The following LRP1B variants were observed in gnomAD, a reference collection of about 807,000 sequenced individuals.
LRP1B encodes LDL receptor related protein 1B.
A neutral mutation model predicts 556.6 loss-of-function variants in LRP1B; 217 were observed. The observed-to-expected ratio is 0.39, with a 90% CI of 0.35 to 0.44. The LOEUF is 0.44. Ranked by LOEUF, LRP1B falls within the 20% of genes least tolerant of loss-of-function variation. LRP1B has a pLI of 1.00. For synonymous variants in LRP1B, 2,047 were observed against 1,865.8 expected (o/e 1.10, Z -2.50); for missense variants, 5,053 against 5,620.8 (o/e 0.90, Z 3.23).
intron 3 of LRP1B, among the ~76,000 whole-genome samples, chr2:141,467,845 G>GAGGGGC (rs1553518605): frequency 0.11 from 13,573 of 127,474 alleles, 1,539 homozygotes; most frequent in African/African-American, 0.2. Flanking sequence ...GGACCGGGGG[G>GAGGGGC]GGGGGAATTC....
intron 3 of LRP1B, among the ~76,000 whole-genome samples, chr2:141,476,800 C>T (rs111437639): frequency 0.014 from 2,096 of 152,064 alleles, 13 homozygotes; most frequent in Middle Eastern, 0.024. Flanking sequence ...TATAAATATA[C>T]CACCAAATAT....
At chr2:141,519,387 AT>A in intron 2 of LRP1B, among the ~76,000 whole-genome samples, 2 of 26,338 alleles carry the variant, frequency 7.6e-5, no homozygotes, top group African/African-American at 1.6e-4. Flanking sequence ...ATATATATAT[AT>A]ATATATATAT....
intron 59 of LRP1B, among the ~76,000 whole-genome samples, chr2:140,478,330 T>A (rs1688063893): frequency 6.6e-6 from 1 of 151,832 alleles, no homozygotes; most frequent in African/African-American, 2.4e-5. Context: ...TTTGTATTTT[T>A]AGTAGAGATG....
rs377509159 is a variant in LRP1B at position 140,710,867 on chromosome 2, A to G, written c.6023+5106T>C. Among the ~76,000 whole-genome samples, 8 of 152,208 alleles carry G rather than the reference A, an allele frequency of 5.3e-5. No homozygotes were observed. The South Asian group carries it at 1.2e-3, about 24-fold the overall frequency. On this transcript the variant is annotated intron_variant, in intron 37 of 90. Transcript: ENST00000389484. The stretch of plus-strand genomic sequence containing the variant: ...AGCTGAAACCCATTTTAGGAGTTCA[A>G]TGATGAGACAATGGATATAGATCAT...
chr2:142,038,834 T>G (rs867584989), intron 1 of LRP1B, among the ~76,000 whole-genome samples: 1 of 151,646 alleles, frequency 6.6e-6, no homozygotes, highest in South Asian at 2.1e-4. Context: ...TCAGTTTTGG[T>G]GTTCATCTAA....
intron 2 of LRP1B, among the ~76,000 whole-genome samples, chr2:141,614,600 A>T (rs543233663): frequency 2.0e-5 from 3 of 152,290 alleles, no homozygotes; most frequent in African/African-American, 7.2e-5. Context: ...CACAAAGAAA[A>T]CACAACATAG....
chr2:141,676,210 G>A (rs1309676798), intron 2 of LRP1B, among the ~76,000 whole-genome samples: 1 of 151,660 alleles, frequency 6.6e-6, no homozygotes, highest in Non-Finnish European at 1.5e-5. Flanking sequence ...CTATTTTGAG[G>A]GACACAGAGG....
chr2:141,301,088 T>C (rs1175647902), intron 3 of LRP1B, among the ~76,000 whole-genome samples: 1 of 152,090 alleles, frequency 6.6e-6, no homozygotes, highest in Non-Finnish European at 1.5e-5. Context: ...GCAGGAGATA[T>C]ATTATGTTGT....
chr2:141,631,663 T>C (rs969704637), intron 2 of LRP1B, among the ~76,000 whole-genome samples: 7 of 152,234 alleles, frequency 4.6e-5, no homozygotes, highest in Admixed American at 3.3e-4. Context: ...AGTTACTTTG[T>C]AAGGACCAAT....
chr2:141,886,964 CTTT>C (rs66668893), intron 1 of LRP1B, among the ~76,000 whole-genome samples: 10 of 142,202 alleles, frequency 7.0e-5, no homozygotes, highest in Admixed American at 7.1e-5. Context: ...TTTTCTTTTT[CTTT>C]TTTTTTTTTT....
chr2:140,974,218 C>G (rs1027630881), intron 18 of LRP1B, among the ~76,000 whole-genome samples: 2 of 152,168 alleles, frequency 1.3e-5, no homozygotes, highest in Non-Finnish European at 2.9e-5. Flanking sequence ...TACTGCCCAA[C>G]AGTGGAATTA....
At position 140,774,737 on chromosome 2, in the gene LRP1B, TC is replaced by T. The variant is rs561431441; in HGVS notation, c.5500+1360del. Among the ~76,000 whole-genome samples, 290 of 152,232 alleles carry T rather than the reference TC, an allele frequency of 1.9e-3. 1 individual carries two copies. The highest frequency in any genetic ancestry group is 5.6e-3 in the African/African-American group (231 of 41,522). ...TATTTACTGAGTACCAGTATTTTAT[TC>T]TCAATTACGTAATCTATTTCCCATG... On this transcript the variant is annotated intron_variant, in intron 33 of 90. Transcript: ENST00000389484.
At chr2:141,160,702 T>TA (rs1292873818) in intron 7 of LRP1B, among the ~76,000 whole-genome samples, 10 of 151,852 alleles carry the variant, frequency 6.6e-5, no homozygotes, top group Admixed American at 2.0e-4. Context: ...ACTCTTAAAG[T>TA]AAAAAAATAC....
intron 35 of LRP1B, among the ~76,000 whole-genome samples, chr2:140,747,811 G>A (rs1688367841): frequency 6.6e-6 from 1 of 151,930 alleles, no homozygotes; most frequent in Admixed American, 6.6e-5. Context: ...GAGTAGATAG[G>A]AGAACTGATA....
At position 141,418,736 on chromosome 2, in the gene LRP1B, T is replaced by C. The variant is rs145961930; in HGVS notation, c.343+61660A>G. Among the ~76,000 whole-genome samples the C allele has an allele frequency of 5.6e-4, 85 of 151,382 alleles. No individual in the cohort carries two copies. In the East Asian group the frequency reaches 0.016, roughly 28 times the overall value. ...CTTTGGGATCCACTGGGGTTCCATA[T>C]GAATTTTAGAATTTTTTTTTTCTAT... On this transcript the variant is annotated intron_variant, in intron 3 of 90. Transcript: ENST00000389484.
At chr2:142,027,194 T>C (rs1289185457) in intron 1 of LRP1B, among the ~76,000 whole-genome samples, 1 of 151,916 alleles carries the variant, frequency 6.6e-6, no homozygotes, top group Admixed American at 6.6e-5. Context: ...TATTCATCCA[T>C]TGCTGATGCA....
intron 43 of LRP1B, among the ~76,000 whole-genome samples, chr2:140,569,584 G>A (rs889611438): frequency 6.6e-6 from 1 of 151,792 alleles, no homozygotes; most frequent in Non-Finnish European, 1.5e-5. Context: ...AAGGAAGATA[G>A]GCTCCAATAA....
intron 3 of LRP1B, among the ~76,000 whole-genome samples, chr2:141,331,522 C>CTTTTTTT (rs10694161): frequency 7.1e-6 from 1 of 140,718 alleles, no homozygotes; most frequent in African/African-American, 2.9e-5. Context: ...TTCTTTCTTT[C>CTTTTTTT]TCTTTCTTTC....
intron 15 of LRP1B, among the ~76,000 whole-genome samples, chr2:140,999,088 T>C (rs932429200): frequency 6.6e-6 from 1 of 152,104 alleles, no homozygotes; most frequent in Non-Finnish European, 1.5e-5. Flanking sequence ...TAACATATCT[T>C]TGAAAAACCT....
Sources: gnomAD v4.1 joint callset for allele counts (sites outside exome capture counted in the v4.1 genomes callset) on GRCh38, gnomAD v4.1.1 for gene constraint, MANE v1.5 for transcripts, NCBI Gene and HGNC (gene_info 2026-07-23, HGNC 2026-07-21) for gene names.